Variants in EZR observed in about 807,000 individuals in gnomAD.
EZR encodes ezrin, also known as cytovillin 2.
A neutral mutation model predicts 74.8 loss-of-function variants in EZR; 40 were observed. That is an observed-to-expected ratio of 0.53 (90% CI 0.42 to 0.70). The LOEUF (loss-of-function observed/expected upper bound fraction) is 0.70. Among genes scored for constraint, EZR ranks in the 30% least tolerant of loss-of-function variants. EZR has a pLI of 0.00. For missense variants in EZR, 678 were observed against 755.8 expected (o/e 0.90, Z 1.21); for synonymous variants, 341 against 283.3 (o/e 1.20, Z -2.05).
At chr6:158,792,344 T>A (rs1445111900) in intron 2 of EZR, among the ~76,000 whole-genome samples, 1 of 151,994 alleles carries the variant, frequency 6.6e-6, no homozygotes, top group Non-Finnish European at 1.5e-5. Context: ...CCCAAGCAGC[T>A]GGGATTACAG....
intron 2 of EZR, among the ~76,000 whole-genome samples, chr6:158,813,599 A>G (rs955135706): frequency 6.6e-6 from 1 of 152,166 alleles, no homozygotes; most frequent in African/African-American, 2.4e-5. Context: ...TTGCGAGGGG[A>G]TTGTGAGGGG....
chr6:158,792,338 A>C (rs1791769891), intron 2 of EZR, among the ~76,000 whole-genome samples: 2 of 152,072 alleles, frequency 1.3e-5, no homozygotes, highest in South Asian at 4.2e-4. Context: ...CGGCCTCCCA[A>C]GCAGCTGGGA....
At chr6:158,796,602 A>C (rs1483250228) in intron 2 of EZR, among the ~76,000 whole-genome samples, 2 of 152,018 alleles carry the variant, frequency 1.3e-5, no homozygotes, top group South Asian at 4.2e-4. Flanking sequence ...GTCCTCTTTG[A>C]AATTATTTGG....
intron 10 of EZR, 27 bp downstream of exon 10, chr6:158,770,737 T>G (rs2128565977): frequency 6.2e-7 from 1 of 1,614,038 alleles, no homozygotes; most frequent in African/African-American, 1.3e-5. Context: ...TGACCCAGTG[T>G]AGAGTGCCAG....
intron 2 of EZR, 109 bp downstream of exon 2, chr6:158,817,973 T>A: frequency 9.4e-7 from 1 of 1,066,330 alleles, no homozygotes; most frequent in Non-Finnish European, 1.3e-6. Context: ...GTCTTCTGCG[T>A]GTGAGAAGAA....
intron 2 of EZR, among the ~76,000 whole-genome samples, chr6:158,807,735 T>C (rs1777374051): frequency 6.6e-6 from 1 of 152,220 alleles, no homozygotes; most frequent in South Asian, 2.1e-4. Flanking sequence ...GACGATGTAT[T>C]AGACATGTGT....
chr6:158,766,929 C>T lies in EZR; in HGVS notation c.1746G>A (p.Glu582=), dbSNP rs1469593761. ...RQGNTKQRID[E]FEAL ...GGCCTGGCTGTTACAGGGCCTCGAACTCGTCGATGCGCTGCTTGGTGTTGC... is the reference window on the plus strand; with the variant it reads ...GGCCTGGCTGTTACAGGGCCTCGAATTCGTCGATGCGCTGCTTGGTGTTGC... The change falls in exon 14 of 14, where the codon GAG becomes GAA. Residue 582 remains glutamate (E), a synonymous_variant. Coordinates refer to ENST00000367075, the MANE Select transcript of EZR (RefSeq NM_001111077.2). The T allele has an allele frequency of 6.2e-7, 1 of 1,614,040 alleles. No individual in the cohort carries two copies. Among genetic ancestry groups the T allele is most frequent in the African/African-American group, 1.3e-5 (1 of 74,932 alleles).
chr6:158,766,811 GATCTGAGGGAGTTCCTAGAC>G lies in EZR; in HGVS notation c.*83_*102del. On this transcript the variant is annotated 3_prime_UTR_variant, in exon 14 of 14. Transcript: ENST00000367075. ...GGTAACTGCTTTCTAAAGGAACTGG[GATCTGAGGGAGTTCCTAGAC>G]TTGGAGCACTAAAGACACAAGCGTG... 4 of 1,139,508 alleles carry G rather than the reference GATCTGAGGGAGTTCCTAGAC, an allele frequency of 3.5e-6. No individual in the cohort carries two copies. The highest frequency in any genetic ancestry group is 5.1e-6 in the Non-Finnish European group (4 of 789,948). 70.6% of individuals were successfully genotyped at this position (1,139,508 alleles called of 1,614,324 possible).
At chr6:158,817,489 C>G (rs192897815) in intron 2 of EZR, among the ~76,000 whole-genome samples, 1 of 152,364 alleles carries the variant, frequency 6.6e-6, no homozygotes, top group Non-Finnish European at 1.5e-5. Flanking sequence ...ATCTACAATT[C>G]AAGTCCATGG....
chr6:158,784,848 G>T, intron 5 of EZR, 121 bp from the exon 6 acceptor site: 1 of 771,840 alleles, frequency 1.3e-6, no homozygotes, highest in East Asian at 2.7e-5. Flanking sequence ...ATCCCAAAGA[G>T]CTTTGGTTTC....
rs184347947 is a variant in EZR at position 158,807,966 on chromosome 6, G to C, written c.12+10116C>G. 1.7e-3 allele frequency among the ~76,000 whole-genome samples: 265 copies of C among 152,340 alleles called. 1 individual carries two copies. The highest frequency in any genetic ancestry group is 2.8e-3 in the Non-Finnish European group (193 of 68,032). On this transcript the variant is annotated intron_variant, in intron 2 of 13. Transcript: ENST00000367075. ...AAATGGGTTCCACCATTCACTGGAT[G>C]TGACTGTCAACCAAGCAGGTGATAA...
chr6:158,812,192 C>T (rs918588354), intron 2 of EZR, among the ~76,000 whole-genome samples: 1 of 152,086 alleles, frequency 6.6e-6, no homozygotes, highest in South Asian at 2.1e-4. Flanking sequence ...GTCATCCTAG[C>T]CCCTATTCGA....
chr6:158,798,592 G>A (rs986434705), intron 2 of EZR, among the ~76,000 whole-genome samples: 6 of 149,192 alleles, frequency 4.0e-5, no homozygotes, highest in African/African-American at 9.9e-5. Context: ...GACCTCCCTC[G>A]ATGGAAAAGG....
At chr6:158,771,156 C>T in intron 9 of EZR, 88 bp downstream of exon 9, 2 of 1,506,172 alleles carry the variant, frequency 1.3e-6, no homozygotes, top group South Asian at 2.6e-5. Flanking sequence ...CTCTCCCCAT[C>T]AGCTCCACAG....
rs551137035 is a variant in EZR, at chr6:158,785,537, A to T, written c.239T>A (p.Phe80Tyr). The T allele has an allele frequency of 1.2e-5, 20 of 1,614,006 alleles. No individual in the cohort carries two copies. Among genetic ancestry groups the T allele is most frequent in the Admixed American group, 3.3e-5 (2 of 59,994 alleles). The stretch of plus-strand genomic sequence containing the variant: ...ATCTTCAGGGTAGAACTTGGCCCGG[A>T]ACTTGAACTGGAGGGGATTCTCCTT... ...VRKENPLQFKFRAKFYPEDVA... is the reference protein window; with the variant it reads ...VRKENPLQFKYRAKFYPEDVA... The change falls in exon 5 of 14, where the codon TTC becomes TAC. Residue 80 changes from phenylalanine (F) to tyrosine (Y), a missense_variant. By Grantham distance (22) the Phe-to-Tyr change is conservative. This residue lies in a region of EZR where 217 missense variants were observed against 232.2 expected (regional missense o/e 0.93). Coordinates refer to ENST00000367075, the MANE Select transcript of EZR (RefSeq NM_001111077.2).
At chr6:158,788,644 C>T (rs1163686311) in intron 3 of EZR, among the ~76,000 whole-genome samples, 1 of 122,020 alleles carries the variant, frequency 8.2e-6, no homozygotes, top group African/African-American at 2.9e-5. Context: ...GAGATTCAGT[C>T]TCAAAGAAAA....
At position 158,770,858 on chromosome 6, in the gene EZR, G is replaced by T. The variant is rs183636404; in HGVS notation, c.996C>A (p.Thr332=). The T allele has an allele frequency of 1.9e-6, 3 of 1,614,110 alleles. No homozygotes were observed. The highest frequency in any genetic ancestry group is 4.5e-5 in the East Asian group (2 of 44,886). Residue 332 remains threonine, a synonymous_variant, in exon 10 of 14, where the codon ACC becomes ACA. Coordinates refer to ENST00000367075, the MANE Select transcript of EZR (RefSeq NM_001111077.2). Reference sequence around the variant, plus strand: ...TCATCTGCTCTTTCTCTCTCTCCACGGTTTCTCTCCTTTTCTTCTCTGTTT... The same window carrying T: ...TCATCTGCTCTTTCTCTCTCTCCACTGTTTCTCTCCTTTTCTTCTCTGTTT... ...QLETEKKRRE[T]VEREKEQMMR...
At chr6:158,802,681 G>A (rs981541166) in intron 2 of EZR, among the ~76,000 whole-genome samples, 3 of 152,208 alleles carry the variant, frequency 2.0e-5, no homozygotes, top group East Asian at 3.9e-4. Flanking sequence ...ATAGGCATGT[G>A]CCACCACGCC....
intron 2 of EZR, among the ~76,000 whole-genome samples, chr6:158,803,953 A>G (rs1777273794): frequency 6.6e-6 from 1 of 151,458 alleles, no homozygotes; most frequent in African/African-American, 2.4e-5. Context: ...CAGGTTGGGA[A>G]GAGTTCTGTG....
Sources: gnomAD v4.1 joint callset for allele counts (sites outside exome capture counted in the v4.1 genomes callset) on GRCh38, gnomAD v4.1.1 for gene constraint, gnomAD v4.1.1 regional missense constraint, MANE v1.5 for transcripts, NCBI Gene and HGNC (gene_info 2026-07-23, HGNC 2026-07-21) for gene names.